RUNX3: variants seen among roughly 807,000 people sequenced by gnomAD.
RUNX3 encodes the protein runt-related transcription factor 3.
A neutral mutation model predicts 27.7 loss-of-function variants in RUNX3; 10 were observed. The observed-to-expected ratio is 0.36, with a 90% CI of 0.22 to 0.61. The LOEUF is 0.61. Among genes scored for constraint, RUNX3 ranks in the 20% least tolerant of loss-of-function variants. The pLI, the probability that RUNX3 is intolerant of heterozygous loss-of-function variation, is 0.72. For synonymous variants in RUNX3, 270 were observed against 269.2 expected, an observed-to-expected ratio of 1.00 and a Z score of -0.03; for missense variants, 469 against 629.5, an observed-to-expected ratio of 0.75 and a Z score of 2.73.
chr1:24,929,058 T>C (rs1242934031), intron 1 of RUNX3: 4 of 457,506 alleles, frequency 8.7e-6, no homozygotes, highest in Non-Finnish European at 1.8e-5. Context: ...ACGCATAATA[T>C]CCCCGAGCAA....
rs528824999 is a variant in RUNX3, at chr1:24,946,747, G to A, written c.59-16895C>T. On this transcript the variant is annotated intron_variant, in intron 2 of 6. Transcript: ENST00000338888. ...ACCAGTATAGACACTGAGAGGCTCC[G>A]GACACCGCCCCACATCCTCCCCACA... Among the ~76,000 whole-genome samples, 6 of 152,126 alleles carry A rather than the reference G, an allele frequency of 3.9e-5. No homozygotes were observed. In the South Asian group the frequency reaches 8.3e-4, roughly 21 times the overall value.
At chr1:24,954,364 C>T (rs775966473) in intron 2 of RUNX3, among the ~76,000 whole-genome samples, 4 of 152,214 alleles carry the variant, frequency 2.6e-5, no homozygotes, top group Non-Finnish European at 5.9e-5. Flanking sequence ...GCTATGCTCT[C>T]ACCCAAGGCT....
intron 2 of RUNX3, among the ~76,000 whole-genome samples, chr1:24,920,953 G>C (rs1218593131): frequency 6.6e-6 from 1 of 152,210 alleles, no homozygotes; most frequent in Admixed American, 6.5e-5. Context: ...GGGAGCGGGG[G>C]AGATTTGCGG....
Position 24,899,865 on chromosome 1 carries a change from A to G in RUNX3, c.*2257T>C, listed in dbSNP as rs1201791462. 4 of 152,386 alleles carry G rather than the reference A, an allele frequency of 2.6e-5. No homozygotes were observed. The South Asian group carries it at 8.3e-4, about 32-fold the overall frequency. 9.4% of individuals were successfully genotyped at this position (152,386 alleles called of 1,614,324 possible). ...GTACAACTTTAACGCAGCCTTGTAA[A>G]TAAGGACCTACTTTTACCAGCCCAG... is the stretch of plus-strand genomic sequence containing the variant. On this transcript the variant is annotated 3_prime_UTR_variant, in exon 5 of 5. Coordinates refer to ENST00000308873, the MANE Select transcript of RUNX3 (RefSeq NM_004350.3).
chr1:24,961,221 C>T (rs1235698518), intron 2 of RUNX3: 1 of 152,244 alleles, frequency 6.6e-6, no homozygotes, highest in Non-Finnish European at 1.5e-5. Context: ...CTCCAGGGGT[C>T]TGGATCTCTC....
At chr1:24,928,882 G>A in intron 1 of RUNX3, 6 of 368,170 alleles carry the variant, frequency 1.6e-5, no homozygotes, top group South Asian at 1.2e-4. Flanking sequence ...CACGGCAGCT[G>A]TGAGAGGTTT....
chr1:24,919,391 C>A (rs766263437), intron 2 of RUNX3, 47 bp from the exon 3 acceptor site: 5 of 1,251,206 alleles, frequency 4.0e-6, no homozygotes, highest in African/African-American at 1.5e-5. Context: ...CCTGGAGCTT[C>A]CACAATACCC....
At chr1:24,936,269 C>T (rs1364452278) in intron 2 of RUNX3, among the ~76,000 whole-genome samples, 1 of 152,176 alleles carries the variant, frequency 6.6e-6, no homozygotes, top group Non-Finnish European at 1.5e-5. Context: ...GTTATCACTC[C>T]CATTTTACAG....
rs200360165 is a variant in RUNX3 at position 24,919,228 on chromosome 1, G to A, written c.544+12C>T. 5.0e-4 allele frequency: 780 copies of A among 1,564,220 alleles called. 3 individuals carry two copies. In the African/African-American group the frequency reaches 6.0e-3, roughly 12 times the overall value. ...CCCCGCGCAGGGGCTCAGGGGGCTC[G>A]GTGGCACTTACGTCTGGGCTCCCGG... On this transcript the variant is annotated intron_variant, in intron 3 of 4. Coordinates refer to ENST00000308873, the MANE Select transcript of RUNX3 (RefSeq NM_004350.3).
At chr1:24,924,552 C>T (rs1234461997) in intron 2 of RUNX3, among the ~76,000 whole-genome samples, 1 of 151,616 alleles carries the variant, frequency 6.6e-6, no homozygotes, top group African/African-American at 2.4e-5. Flanking sequence ...ATGGTATTGG[C>T]AGCAAGGCCA....
In RUNX3 at chr1:24,901,663, CCAGGGGATG is replaced by C. The variant is rs1274446607; in HGVS notation, c.*450_*458del. On this transcript the variant is annotated 3_prime_UTR_variant, in exon 5 of 5. Coordinates refer to ENST00000308873, the MANE Select transcript of RUNX3 (RefSeq NM_004350.3). ...TGTGTAAATGCAGAGGGGGCTGGAC[CCAGGGGATG>C]CAGGGGCTCCAACGAAGGTGCAGGG... 6.1e-6 allele frequency: 1 copy of C among 164,820 alleles called. No individual in the cohort carries two copies. Among genetic ancestry groups the C allele is most frequent in the African/African-American group, 2.4e-5 (1 of 41,664 alleles). The allele number at this position is 164,820 out of a possible 1,614,324, so 10.2% of individuals were successfully genotyped here.
chr1:24,907,448 G>C, intron 3 of RUNX3, 31 bp from the exon 4 acceptor site: 1 of 1,594,922 alleles, frequency 6.3e-7, no homozygotes, highest in South Asian at 1.1e-5. Context: ...ATCAGCCGTT[G>C]CTTCCCCAGA....
In RUNX3 at chr1:24,904,932, A is replaced by T. The variant is rs1242225931; in HGVS notation, c.704-2266T>A. 1.3e-5 allele frequency among the ~76,000 whole-genome samples: 2 copies of T among 152,170 alleles called. No homozygotes were observed. The highest frequency in any genetic ancestry group is 2.4e-5 in the African/African-American group (1 of 41,456). On this transcript the variant is annotated intron_variant, in intron 4 of 4. Coordinates refer to ENST00000308873, the MANE Select transcript of RUNX3 (RefSeq NM_004350.3). The surrounding 1 kb of genome is among the most constrained non-coding windows in gnomAD (Gnocchi z 5.7). The stretch of plus-strand genomic sequence containing the variant: ...GCACTGTCGAGTGGCCAATCCCAAC[A>T]GTGGAAAGAAATGTTTATTTTCTTC...
rs1324517230 is a variant in RUNX3, at chr1:24,902,535, G to C, written c.835C>G (p.Pro279Ala). The change falls in exon 5 of 5, where the codon CCC (proline) becomes GCC (alanine). Residue 279 changes from proline (P) to alanine (A), a missense_variant. Transcript: ENST00000308873. The surrounding 1 kb of genome is among the most constrained non-coding windows in gnomAD (Gnocchi z 9.2). Reference sequence around the variant, plus strand: ...GTGCCCGAGGGCGTGGCGCTGTAGGGGAAGGCAGCTGACATGGCCCCGGGA... The same window carrying C: ...GTGCCCGAGGGCGTGGCGCTGTAGGCGAAGGCAGCTGACATGGCCCCGGGA... ...HYPGAMSAAF[P>A]YSATPSGTSI... is the part of the protein sequence containing the mutation. The C allele has an allele frequency of 6.3e-7, 1 of 1,593,212 alleles. No homozygotes were observed. Among genetic ancestry groups the C allele is most frequent in the Admixed American group, 1.7e-5 (1 of 59,370 alleles).
At position 24,943,420 on chromosome 1, in the gene RUNX3, G is replaced by T. The variant is rs1364164515; in HGVS notation, c.59-13568C>A. On this transcript the variant is annotated intron_variant, in intron 2 of 6. Transcript: ENST00000338888. The surrounding 1 kb of genome is among the most constrained non-coding windows in gnomAD (Gnocchi z 4.6). The stretch of plus-strand genomic sequence containing the variant: ...ATGGTGTGCTCACGGTGCCAGGCAC[G>T]GTTCTGAGAACTCACACAGCTTAAC... 6.6e-6 allele frequency among the ~76,000 whole-genome samples: 1 copy of T among 152,162 alleles called. No individual in the cohort carries two copies. The highest frequency in any genetic ancestry group is 1.5e-5 in the Non-Finnish European group (1 of 68,036).
chr1:24,906,512 G>T (rs937984297), intron 4 of RUNX3, among the ~76,000 whole-genome samples: 1 of 152,252 alleles, frequency 6.6e-6, no homozygotes, highest in Non-Finnish European at 1.5e-5. Flanking sequence ...CTGACTGAGA[G>T]AACAGAGGAG....
chr1:24,907,677 C>T (rs555296181), intron 3 of RUNX3, among the ~76,000 whole-genome samples: 183 of 152,204 alleles, frequency 1.2e-3, no homozygotes, highest in Admixed American at 2.2e-3. Flanking sequence ...GTGATCTAAA[C>T]CTCTACAACA....
chr1:24,919,325 G>A lies in RUNX3; in HGVS notation c.459C>T (p.Thr153=), dbSNP rs749687923. The A allele has an allele frequency of 2.5e-6, 4 of 1,610,626 alleles. No individual in the cohort carries two copies. The highest frequency in any genetic ancestry group is 1.3e-5 in the African/African-American group (1 of 74,486). ...GGGTGGGGTTGGTGAACACAGTGAT[G>A]GTCAGGGTGAAACTCTTCCCTGGGG... ...RSGRGKSFTL[T]ITVFTNPTQV... The change falls in exon 3 of 5, where the codon ACC becomes ACT. Residue 153 remains threonine, a synonymous_variant. Transcript: ENST00000308873.
At chr1:24,938,052 C>T (rs1641389220) in intron 2 of RUNX3, among the ~76,000 whole-genome samples, 3 of 152,242 alleles carry the variant, frequency 2.0e-5, no homozygotes. Context: ...CCTTGATAAA[C>T]TCAAAAGAGT....
Sources: allele counts gnomAD v4.1 joint callset (sites outside exome capture counted in the v4.1 genomes callset), GRCh38; gene constraint gnomAD v4.1.1; non-coding constraint Gnocchi (gnomAD v3.1); transcripts MANE v1.5; gene names NCBI Gene and HGNC (gene_info 2026-07-23, HGNC 2026-07-21).